EIPR1: variants seen among roughly 807,000 people sequenced by gnomAD.
EIPR1 encodes the protein EARP and GARP complex-interacting protein 1.
EIPR1 carries 25 observed loss-of-function variants against 48.1 expected under a neutral mutation model. The observed-to-expected ratio is 0.52, with a 90% CI of 0.38 to 0.73. EIPR1 has a LOEUF of 0.73. Ranked by LOEUF, EIPR1 falls within the 30% of genes least tolerant of loss-of-function variation. The pLI, the probability that EIPR1 is intolerant of heterozygous loss-of-function variation, is 0.00. For missense variants in EIPR1, 415 were observed against 506.2 expected, an observed-to-expected ratio of 0.82 and a Z score of 1.73; for synonymous variants, 204 against 201.9, an observed-to-expected ratio of 1.01 and a Z score of -0.09.
chr2:3,322,875 T>A (rs4854159), intron 3 of EIPR1, among the ~76,000 whole-genome samples: 27,217 of 152,166 alleles, frequency 0.18, 2,553 homozygotes, highest in Non-Finnish European at 0.21. Context: ...CAGGGCCCTG[T>A]CCCATCAGCA....
At chr2:3,201,976 A>C (rs1036378192) in intron 5 of EIPR1, among the ~76,000 whole-genome samples, 1 of 151,936 alleles carries the variant, frequency 6.6e-6, no homozygotes, top group African/African-American at 2.4e-5. Context: ...TCACTCTGCC[A>C]CCCAGGCTGG....
At chr2:3,282,796 G>A (rs1668054984) in intron 3 of EIPR1, 1 of 152,244 alleles carries the variant, frequency 6.6e-6, no homozygotes. Flanking sequence ...CAGGAACAAG[G>A]AGCAGGTCCA....
intron 5 of EIPR1, among the ~76,000 whole-genome samples, chr2:3,197,319 C>T (rs528499275): frequency 9.8e-5 from 15 of 152,298 alleles, no homozygotes; most frequent in Admixed American, 7.8e-4. Flanking sequence ...GAAAACAATA[C>T]AAAACAACTC....
chr2:3,329,893 G>A (rs1006670529), intron 3 of EIPR1, among the ~76,000 whole-genome samples: 2 of 150,200 alleles, frequency 1.3e-5, no homozygotes, highest in Non-Finnish European at 3.0e-5. Context: ...GGGCTCCCTT[G>A]GATCAGTCCA....
intron 2 of EIPR1, among the ~76,000 whole-genome samples, chr2:3,348,226 C>A (rs1275629694): frequency 6.6e-6 from 1 of 152,154 alleles, no homozygotes; most frequent in Non-Finnish European, 1.5e-5. Context: ...TCTGTCGCTG[C>A]CCTTCTGTGA....
chr2:3,203,302 T>C (rs559985432), intron 5 of EIPR1, among the ~76,000 whole-genome samples: 1 of 152,370 alleles, frequency 6.6e-6, no homozygotes, highest in African/African-American at 2.4e-5. Flanking sequence ...AAAGCTTTCA[T>C]GAGGCTTAGG....
At position 3,216,512 on chromosome 2, in the gene EIPR1, CA is replaced by C. The variant is rs549215346; in HGVS notation, c.417-2265del. On this transcript the variant is annotated intron_variant, in intron 4 of 8. Transcript: ENST00000382125. Reference sequence around the variant, plus strand: ...CCCTTCGCAACTAACTCACACATCACAGGATGAGAACTAGCCAATCTGATGT... The same window carrying C: ...CCCTTCGCAACTAACTCACACATCACGGATGAGAACTAGCCAATCTGATGT... 8.2e-3 allele frequency among the ~76,000 whole-genome samples: 202 copies of C among 24,656 alleles called. 4 individuals carry two copies. In the East Asian group the frequency reaches 0.28, roughly 34 times the overall value. The allele number at this position is 24,656 out of a possible 152,430, so 16.2% of individuals were successfully genotyped here.
At position 3,306,969 on chromosome 2, in the gene EIPR1, T is replaced by A. The variant is rs192230485; in HGVS notation, c.259+31048A>T. ...AACTCCAATCTTTTTATTTTTTTTTTAATTTATTTATTTTTTTGGAGGGAG... is the reference window on the plus strand; with the variant it reads ...AACTCCAATCTTTTTATTTTTTTTTAAATTTATTTATTTTTTTGGAGGGAG... On this transcript the variant is annotated intron_variant, in intron 3 of 8. Coordinates refer to ENST00000382125, the MANE Select transcript of EIPR1 (RefSeq NM_003310.5). Among the ~76,000 whole-genome samples, 10 of 151,334 alleles carry A rather than the reference T, an allele frequency of 6.6e-5. No homozygotes were observed. In the East Asian group the frequency reaches 9.7e-4, roughly 15 times the overall value.
chr2:3,316,339 A>G (rs1669300866), intron 3 of EIPR1, among the ~76,000 whole-genome samples: 1 of 151,758 alleles, frequency 6.6e-6, no homozygotes. Flanking sequence ...CCAGAGGAAC[A>G]ATCTCCTCAC....
intron 1 of EIPR1, among the ~76,000 whole-genome samples, chr2:3,369,523 C>T (rs565651814): frequency 1.3e-5 from 2 of 152,220 alleles, no homozygotes; most frequent in Non-Finnish European, 2.9e-5. Context: ...AATTGAGCCA[C>T]TCCCACCCAA....
intron 3 of EIPR1, among the ~76,000 whole-genome samples, chr2:3,269,842 T>C (rs888032395): frequency 5.9e-5 from 9 of 152,262 alleles, no homozygotes; most frequent in Non-Finnish European, 7.3e-5. Context: ...CAGATCCCTC[T>C]GCCCTTGGCG....
intron 4 of EIPR1, among the ~76,000 whole-genome samples, chr2:3,230,965 C>A (rs907715132): frequency 1.3e-5 from 2 of 152,158 alleles, no homozygotes; most frequent in African/African-American, 4.8e-5. Context: ...AATATTAATT[C>A]TTCCCATCCA....
intron 1 of EIPR1, among the ~76,000 whole-genome samples, chr2:3,363,532 CATAAAAT>C (rs1670899512): frequency 1.3e-5 from 2 of 152,078 alleles, no homozygotes; most frequent in Non-Finnish European, 2.9e-5. Flanking sequence ...CCCGTCTCTA[CATAAAAT>C]ATAAAAGTCA....
rs892795186 is a variant in EIPR1 at position 3,324,011 on chromosome 2, G to A, written c.259+14006C>T. ...GGAAAACTGAATTCACAGCGCCAGT[G>A]TGAAAACAATGACGGGACAGAACAA... On this transcript the variant is annotated intron_variant, in intron 3 of 8. Coordinates refer to ENST00000382125, the MANE Select transcript of EIPR1 (RefSeq NM_003310.5). 2.0e-5 allele frequency among the ~76,000 whole-genome samples: 3 copies of A among 152,190 alleles called. No homozygotes were observed. In the East Asian group the frequency reaches 5.8e-4, roughly 29 times the overall value.
At position 3,189,496 on chromosome 2, in the gene EIPR1, G is replaced by C. The variant is rs1664526052; in HGVS notation, c.1002C>G (p.Pro334=). 1 of 1,556,164 alleles carries C rather than the reference G, an allele frequency of 6.4e-7. No individual in the cohort carries two copies. Among genetic ancestry groups the C allele is most frequent in the Admixed American group, 1.8e-5 (1 of 54,718 alleles). The part of the protein sequence containing the change: ...DHRSEEKSKE[P]LQDNVIATYE... ...AGGTGGCGATCACGTTGTCCTGCAG[G>C]GGCTCCTTGCTCCTGCAATGCAACA... Residue 334 remains proline, a synonymous_variant, in exon 9 of 9, where the codon CCC becomes CCG. Transcript: ENST00000382125. The surrounding 1 kb of genome is among the most constrained non-coding windows in gnomAD (Gnocchi z 4.6).
In EIPR1 at chr2:3,323,257, G is replaced by A. The variant is rs1021933422; in HGVS notation, c.259+14760C>T. 3.9e-5 allele frequency among the ~76,000 whole-genome samples: 6 copies of A among 152,118 alleles called. No homozygotes were observed. The East Asian group carries it at 5.8e-4, about 15-fold the overall frequency. On this transcript the variant is annotated intron_variant, in intron 3 of 8. Coordinates refer to ENST00000382125, the MANE Select transcript of EIPR1 (RefSeq NM_003310.5). ...TTTAGGCTCAAGACGTGGAATCCCC[G>A]GTTAAACCAGTGGTCCCCCCAGCCA...
At chr2:3,310,317 A>T (rs1320526829) in intron 3 of EIPR1, among the ~76,000 whole-genome samples, 4 of 152,190 alleles carry the variant, frequency 2.6e-5, no homozygotes, top group African/African-American at 7.2e-5. Context: ...TATTTTTCTT[A>T]GGGAGAGAAG....
At chr2:3,307,304 GC>G (rs1273610900) in intron 3 of EIPR1, among the ~76,000 whole-genome samples, 1 of 152,152 alleles carries the variant, frequency 6.6e-6, no homozygotes, top group African/African-American at 2.4e-5. Context: ...GCCCCTCCCA[GC>G]CCTCACCCAG....
chr2:3,295,173 C>G (rs1312042792), intron 3 of EIPR1, among the ~76,000 whole-genome samples: 1 of 144,864 alleles, frequency 6.9e-6, no homozygotes, highest in Non-Finnish European at 1.5e-5. Flanking sequence ...ACACACACAC[C>G]CTCCATATAG....
Sources: gnomAD v4.1 joint callset for allele counts (sites outside exome capture counted in the v4.1 genomes callset) on GRCh38, gnomAD v4.1.1 for gene constraint, Gnocchi (gnomAD v3.1) non-coding constraint, MANE v1.5 for transcripts, NCBI Gene and HGNC (gene_info 2026-07-23, HGNC 2026-07-21) for gene names.